Variants in DNAL1 observed in about 807,000 individuals in gnomAD.
DNAL1 encodes dynein axonemal light chain 1.
A neutral mutation model predicts 29.4 loss-of-function variants in DNAL1; 17 were observed. The observed-to-expected ratio is 0.58, with a 90% CI of 0.40 to 0.87. The LOEUF is 0.87. Among genes scored for constraint, DNAL1 ranks in the 40% least tolerant of loss-of-function variants. The pLI is 0.00. For missense variants in DNAL1, 188 were observed against 214.1 expected, an observed-to-expected ratio of 0.88 and a Z score of 0.76; for synonymous variants, 78 against 76.3, an observed-to-expected ratio of 1.02 and a Z score of -0.12.
chr14:73,661,948 A>G, intron 3 of DNAL1, 39 bp from the exon 4 acceptor site: 1 of 1,380,734 alleles, frequency 7.2e-7, no homozygotes, highest in South Asian at 1.3e-5. Flanking sequence ...TTTACCATTT[A>G]CATTTTTCAC....
chr14:73,691,344 G>T (rs1892167514), intron 7 of DNAL1, among the ~76,000 whole-genome samples: 1 of 152,132 alleles, frequency 6.6e-6, no homozygotes, highest in South Asian at 2.1e-4. Context: ...GAGGTCAGGA[G>T]TTCGAGACCA....
At chr14:73,677,884 TTGTGTGTG>T (rs566825653) in intron 5 of DNAL1, among the ~76,000 whole-genome samples, 72 of 96,120 alleles carry the variant, frequency 7.5e-4, no homozygotes, top group Admixed American at 1.2e-3. Flanking sequence ...ATATATATAT[TTGTGTGTG>T]TGTGTGTGTG....
chr14:73,675,929 C>T (rs767693891), intron 5 of DNAL1, among the ~76,000 whole-genome samples: 13 of 152,162 alleles, frequency 8.5e-5, no homozygotes, highest in Admixed American at 4.6e-4. Context: ...ACAGGAGAAT[C>T]GCTTGAATCC....
chr14:73,671,402 T>C (rs1595213037), intron 4 of DNAL1, 140 bp from the exon 5 acceptor site: 1 of 957,084 alleles, frequency 1.0e-6, no homozygotes, highest in East Asian at 4.0e-5. Flanking sequence ...TGATTACCCA[T>C]TTTTGTTAAC....
rs1892313872 is a variant in DNAL1, at chr14:73,696,953, T to A, written c.*1011T>A. On this transcript the variant is annotated 3_prime_UTR_variant, in exon 8 of 8. Coordinates refer to ENST00000553645, the MANE Select transcript of DNAL1 (RefSeq NM_031427.4). ...CAGCTCTTAAAATGTATTATGTACG[T>A]GGTTGTGGAGGGAAGGGAGATGTTT... 6.6e-6 allele frequency: 1 copy of A among 152,170 alleles called. No homozygotes were observed. Among genetic ancestry groups the A allele is most frequent in the Non-Finnish European group, 1.5e-5 (1 of 68,028 alleles). 9.4% of individuals were successfully genotyped at this position (152,170 alleles called of 1,614,324 possible).
chr14:73,690,673 G>T (rs535073123), intron 7 of DNAL1, among the ~76,000 whole-genome samples: 11 of 151,724 alleles, frequency 7.3e-5, no homozygotes, highest in African/African-American at 2.4e-4. Flanking sequence ...AAAAGAGAAG[G>T]ATCCTGACTT....
intron 2 of DNAL1, among the ~76,000 whole-genome samples, chr14:73,656,266 TA>T (rs1891213231): frequency 6.6e-6 from 1 of 152,142 alleles, no homozygotes; most frequent in Non-Finnish European, 1.5e-5. Context: ...GTTAAATATT[TA>T]ATGAAAAATC....
At chr14:73,667,011 T>C (rs1891501374) in intron 4 of DNAL1, among the ~76,000 whole-genome samples, 1 of 151,862 alleles carries the variant, frequency 6.6e-6, no homozygotes, top group Admixed American at 6.6e-5. Context: ...AGTCATGGCC[T>C]CACCATCAGT....
chr14:73,698,293 A>G lies in DNAL1; in HGVS notation c.*2351A>G, dbSNP rs1461090646. The G allele has an allele frequency of 2.6e-5, 4 of 152,226 alleles. No homozygotes were observed. Among genetic ancestry groups the G allele is most frequent in the Non-Finnish European group, 4.4e-5 (3 of 68,044 alleles). 9.4% of individuals were successfully genotyped at this position (152,226 alleles called of 1,614,324 possible). On this transcript the variant is annotated 3_prime_UTR_variant, in exon 8 of 8. Coordinates refer to ENST00000553645, the MANE Select transcript of DNAL1 (RefSeq NM_031427.4). ...GACTTCTATGCATCCCTGTTCATGGAACCCATGCCATTAGAAAATGGCAGT... is the reference window on the plus strand; with the variant it reads ...GACTTCTATGCATCCCTGTTCATGGGACCCATGCCATTAGAAAATGGCAGT...
At chr14:73,657,005 A>G (rs888906407) in intron 2 of DNAL1, among the ~76,000 whole-genome samples, 4 of 151,992 alleles carry the variant, frequency 2.6e-5, no homozygotes, top group African/African-American at 9.7e-5. Flanking sequence ...GCTGGTCTCA[A>G]ACTCCTGAGC....
At chr14:73,687,197 AAAG>A (rs1566890602) in intron 5 of DNAL1, 59 bp from the exon 6 acceptor site, 20 of 1,591,002 alleles carry the variant, frequency 1.3e-5, no homozygotes, top group African/African-American at 2.7e-5. Flanking sequence ...ATATCTTTAT[AAAG>A]AAGAAGACAG....
intron 5 of DNAL1, among the ~76,000 whole-genome samples, chr14:73,684,215 T>C (rs1363526931): frequency 1.3e-5 from 2 of 152,226 alleles, no homozygotes; most frequent in Admixed American, 1.3e-4. Context: ...CTTAGGTTGA[T>C]TCCATATTTT....
At chr14:73,678,890 A>T (rs1018419392) in intron 5 of DNAL1, among the ~76,000 whole-genome samples, 2 of 152,220 alleles carry the variant, frequency 1.3e-5, no homozygotes, top group African/African-American at 4.8e-5. Flanking sequence ...GAAAAAGCAA[A>T]GTGAATATTT....
rs1029693407 is a variant in DNAL1 at position 73,702,250 on chromosome 14, C to T, written c.*6308C>T. On this transcript the variant is annotated 3_prime_UTR_variant, in exon 8 of 8. Coordinates refer to ENST00000553645, the MANE Select transcript of DNAL1 (RefSeq NM_031427.4). ...CCACCTCCCGTGTTCAAGCGAGTCT[C>T]CTGCCTCAGCCTCCCGAGTACTGGG... is the stretch of plus-strand genomic sequence containing the variant. The T allele has an allele frequency of 6.6e-6, 1 of 152,220 alleles. No individual in the cohort carries two copies. The highest frequency in any genetic ancestry group is 2.4e-5 in the African/African-American group (1 of 41,426). 9.4% of individuals were successfully genotyped at this position (152,220 alleles called of 1,614,324 possible). A position where few individuals can be genotyped will look rare whatever the true frequency, so the allele number is the denominator to read the frequency against.
intron 2 of DNAL1, among the ~76,000 whole-genome samples, chr14:73,657,450 G>A (rs992836811): frequency 6.6e-6 from 1 of 152,142 alleles, no homozygotes; most frequent in African/African-American, 2.4e-5. Flanking sequence ...CAGATTGCTG[G>A]TATTACAGGC....
intron 3 of DNAL1, among the ~76,000 whole-genome samples, chr14:73,660,324 A>T (rs982286227): frequency 1.3e-5 from 2 of 152,216 alleles, no homozygotes; most frequent in African/African-American, 4.8e-5. Context: ...TTTTAGCAGG[A>T]TTCTGTGGCT....
intron 1 of DNAL1, 65 bp downstream of exon 1, chr14:73,645,107 T>C (rs992670998): frequency 2.5e-6 from 4 of 1,585,154 alleles, no homozygotes; most frequent in Admixed American, 1.8e-5. Flanking sequence ...AGGGTGACTG[T>C]GGAGTGTTGA....
chr14:73,680,672 A>G (rs1056889791), intron 5 of DNAL1, among the ~76,000 whole-genome samples: 7 of 152,212 alleles, frequency 4.6e-5, no homozygotes, highest in Non-Finnish European at 8.8e-5. Flanking sequence ...CTTCTCTTCT[A>G]GCTATTTTGA....
intron 3 of DNAL1, among the ~76,000 whole-genome samples, chr14:73,660,933 A>G (rs765676549): frequency 1.3e-5 from 2 of 152,170 alleles, no homozygotes; most frequent in South Asian, 2.1e-4. Flanking sequence ...TTTCCCAACC[A>G]TATTCCTAGA....
Sources: allele counts gnomAD v4.1 joint callset (sites outside exome capture counted in the v4.1 genomes callset), GRCh38; gene constraint gnomAD v4.1.1; transcripts MANE v1.5; gene names NCBI Gene and HGNC (gene_info 2026-07-23, HGNC 2026-07-21).